Variants in EXOC5 observed in about 807,000 individuals in gnomAD.
EXOC5 encodes SEC10-like 1.
A neutral mutation model predicts 90.8 loss-of-function variants in EXOC5; 17 were observed. The ratio of observed to expected loss-of-function variants is 0.19; its 90% CI spans 0.13 to 0.28. The LOEUF is 0.28. Among genes scored for constraint, EXOC5 ranks in the 10% least tolerant of loss-of-function variants. The pLI is 1.00. For synonymous variants in EXOC5, 260 were observed against 270.0 expected (o/e 0.96, Z 0.36); for missense variants, 569 against 830.6 (o/e 0.69, Z 3.87).
chr14:57,211,928 T>C (rs894656347), intron 15 of EXOC5, among the ~76,000 whole-genome samples: 3 of 152,096 alleles, frequency 2.0e-5, no homozygotes, highest in Non-Finnish European at 4.4e-5. Flanking sequence ...AGTGTGATGA[T>C]TGCTCACTGC....
intron 7 of EXOC5, among the ~76,000 whole-genome samples, chr14:57,235,055 T>C (rs1328220797): frequency 6.6e-6 from 1 of 152,146 alleles, no homozygotes; most frequent in Non-Finnish European, 1.5e-5. Context: ...AGGAAAGCAA[T>C]ATAAAGTGCA....
intron 15 of EXOC5, among the ~76,000 whole-genome samples, chr14:57,214,048 C>T (rs1005262734): frequency 6.6e-6 from 1 of 152,120 alleles, no homozygotes; most frequent in Non-Finnish European, 1.5e-5. Context: ...TATCTGTAGG[C>T]CTTTTTGAGA....
chr14:57,254,074 A>T (rs978038736), intron 1 of EXOC5, among the ~76,000 whole-genome samples: 1 of 152,182 alleles, frequency 6.6e-6, no homozygotes, highest in African/African-American at 2.4e-5. Flanking sequence ...TCCAATTCAA[A>T]AATGGGCTAA....
intron 2 of EXOC5, among the ~76,000 whole-genome samples, 173 bp downstream of exon 2, chr14:57,247,445 C>T (rs1201400899): frequency 6.6e-6 from 1 of 151,984 alleles, no homozygotes; most frequent in Admixed American, 6.6e-5. Context: ...TTTAAAAGAA[C>T]GTCAAAGAAA....
At chr14:57,241,919 G>A (rs1252199120) in intron 4 of EXOC5, among the ~76,000 whole-genome samples, 2 of 151,992 alleles carry the variant, frequency 1.3e-5, no homozygotes, top group Non-Finnish European at 2.9e-5. Context: ...GGATCACAAG[G>A]TCAGTAGATG....
intron 1 of EXOC5, among the ~76,000 whole-genome samples, chr14:57,254,451 T>G (rs1405019399): frequency 4.1e-5 from 6 of 145,816 alleles, no homozygotes; most frequent in Non-Finnish European, 9.0e-5. Context: ...AAAAAAAAAA[T>G]GCCCAACATT....
At chr14:57,224,837 G>A (rs1215546478) in intron 12 of EXOC5, among the ~76,000 whole-genome samples, 1 of 152,112 alleles carries the variant, frequency 6.6e-6, no homozygotes, top group Non-Finnish European at 1.5e-5. Flanking sequence ...CGAGGCGGGC[G>A]GATCACCTGA....
At position 57,268,657 on chromosome 14, in the gene EXOC5, G is replaced by A. The variant is rs1460354200; in HGVS notation, c.-9C>T. The A allele has an allele frequency of 1.3e-6, 2 of 1,586,274 alleles. No homozygotes were observed. The highest frequency in any genetic ancestry group is 2.3e-5 in the South Asian group (2 of 88,340). On this transcript the variant is annotated 5_prime_UTR_variant, in exon 1 of 18. Coordinates refer to ENST00000621441, the MANE Select transcript of EXOC5 (RefSeq NM_006544.4). ...TCGGCCGTGGTAGCCATCCCGGCCG[G>A]CTGAGAGGCTCGCCCCCCACTGGAT...
At position 57,209,624 on chromosome 14, in the gene EXOC5, A is replaced by T; in HGVS notation, c.1881T>A (p.Gly627=). The change falls in exon 17 of 18, where the codon GGT becomes GGA. Residue 627 remains glycine (G), a synonymous_variant. Coordinates refer to ENST00000621441, the MANE Select transcript of EXOC5 (RefSeq NM_006544.4). ...HLQQYSYSCM[G]GMLAICDVAE... ...CTACATCACAAATGGCCAACATGCC[A>T]CCCATACAACTGTAGGAATATTGTT... 1 of 1,613,450 alleles carries T rather than the reference A, an allele frequency of 6.2e-7. No homozygotes were observed. The highest frequency in any genetic ancestry group is 8.5e-7 in the Non-Finnish European group (1 of 1,179,580).
chr14:57,264,574 T>C (rs1007343401), intron 1 of EXOC5, among the ~76,000 whole-genome samples: 2 of 152,184 alleles, frequency 1.3e-5, no homozygotes, highest in South Asian at 2.1e-4. Context: ...TTACCTTACA[T>C]GCCACTCTTC....
At chr14:57,258,585 A>G (rs1884414121) in intron 1 of EXOC5, among the ~76,000 whole-genome samples, 1 of 152,204 alleles carries the variant, frequency 6.6e-6, no homozygotes, top group South Asian at 2.1e-4. Context: ...ATTAGGAGAA[A>G]TACCTAATGT....
intron 1 of EXOC5, among the ~76,000 whole-genome samples, chr14:57,257,685 T>A (rs956585467): frequency 6.6e-6 from 1 of 151,998 alleles, no homozygotes; most frequent in East Asian, 1.9e-4. Flanking sequence ...AAATAAAAAA[T>A]AAATAAATAA....
chr14:57,225,178 A>G (rs955766765), intron 12 of EXOC5, among the ~76,000 whole-genome samples: 2 of 152,236 alleles, frequency 1.3e-5, no homozygotes, highest in Non-Finnish European at 2.9e-5. Flanking sequence ...TCAATTGATG[A>G]CCAACTGGAG....
intron 10 of EXOC5, 48 bp downstream of exon 10, chr14:57,232,619 A>C (rs758719693): frequency 4.8e-6 from 4 of 825,010 alleles, no homozygotes; most frequent in Non-Finnish European, 7.6e-6. Flanking sequence ...TTATCAAAAA[A>C]ATTTAAAAAA....
At chr14:57,212,923 CTT>C (rs1421789718) in intron 15 of EXOC5, among the ~76,000 whole-genome samples, 1 of 152,140 alleles carries the variant, frequency 6.6e-6, no homozygotes, top group Non-Finnish European at 1.5e-5. Flanking sequence ...TCACTTTTAA[CTT>C]TATGCAGTGT....
rs543173102 is a variant in EXOC5, at chr14:57,210,489, G to A, written c.1614-428C>T. Reference sequence around the variant, plus strand: ...ATACATAATAAGATATCTTGGGGACGGGACCCATTCTAAACACAAAATTCA... The same window carrying A: ...ATACATAATAAGATATCTTGGGGACAGGACCCATTCTAAACACAAAATTCA... On this transcript the variant is annotated intron_variant, in intron 15 of 17. Transcript: ENST00000621441. Among the ~76,000 whole-genome samples the A allele has an allele frequency of 6.6e-5, 10 of 152,156 alleles. No individual in the cohort carries two copies. The East Asian group carries it at 9.7e-4, about 15-fold the overall frequency.
intron 6 of EXOC5, among the ~76,000 whole-genome samples, chr14:57,236,448 G>C (rs1883662079): frequency 6.6e-6 from 1 of 151,650 alleles, no homozygotes; most frequent in Non-Finnish European, 1.5e-5. Context: ...ACCACACCCA[G>C]CTAATTTTTG....
chr14:57,230,954 G>C (rs1171154481), intron 11 of EXOC5, among the ~76,000 whole-genome samples: 1 of 149,454 alleles, frequency 6.7e-6, no homozygotes, highest in Non-Finnish European at 1.5e-5. Flanking sequence ...TATATTACTA[G>C]TGTTCTGCTC....
chr14:57,258,468 G>A (rs1884411604), intron 1 of EXOC5, among the ~76,000 whole-genome samples: 1 of 152,120 alleles, frequency 6.6e-6, no homozygotes. Context: ...AACACTGCAT[G>A]TTCTCACTCA....
Sources: allele counts gnomAD v4.1 joint callset (sites outside exome capture counted in the v4.1 genomes callset), GRCh38; gene constraint gnomAD v4.1.1; transcripts MANE v1.5; gene names NCBI Gene and HGNC (gene_info 2026-07-23, HGNC 2026-07-21).